CAMTA1: variants seen among roughly 807,000 people sequenced by gnomAD.
The protein encoded by CAMTA1 is calmodulin binding transcription activator 1, also known as calmodulin-binding transcription activator 1.
CAMTA1 carries 27 observed loss-of-function variants against 170.9 expected under a neutral mutation model. The ratio of observed to expected loss-of-function variants is 0.16; its 90% CI spans 0.12 to 0.22. CAMTA1 has a LOEUF of 0.22. CAMTA1 is among the 10% of genes least tolerant of loss of function. The pLI, the probability that CAMTA1 is intolerant of heterozygous loss-of-function variation, is 1.00. For missense variants in CAMTA1, 1,619 were observed against 2,217.2 expected, an observed-to-expected ratio of 0.73 and a Z score of 5.42; for synonymous variants, 833 against 891.5, an observed-to-expected ratio of 0.93 and a Z score of 1.17.
intron 5 of CAMTA1, among the ~76,000 whole-genome samples, chr1:7,288,159 G>A (rs1417479180): frequency 6.6e-6 from 1 of 152,142 alleles, no homozygotes; most frequent in South Asian, 2.1e-4. Context: ...CAGTGGAGCC[G>A]GGATTCAGGA....
intron 4 of CAMTA1, among the ~76,000 whole-genome samples, chr1:7,114,202 C>T (rs1644225090): frequency 6.6e-6 from 1 of 152,128 alleles, no homozygotes; most frequent in Non-Finnish European, 1.5e-5. Flanking sequence ...GCCTCAGACA[C>T]CCAGACCCAG....
intron 3 of CAMTA1, among the ~76,000 whole-genome samples, chr1:7,048,270 T>C (rs1705730047): frequency 6.6e-6 from 1 of 151,796 alleles, no homozygotes; most frequent in African/African-American, 2.4e-5. Flanking sequence ...CAAGGAGAAA[T>C]TGTAGAGCGT....
chr1:7,398,423 TTGCATGGAATATCATTTTCCATC>T (rs1557652500), intron 5 of CAMTA1, among the ~76,000 whole-genome samples: 3 of 151,654 alleles, frequency 2.0e-5, no homozygotes, highest in South Asian at 2.1e-4. Flanking sequence ...TATTTTCCAT[TTGCATGGAATATCATTTTCCATC>T]TGCATGGAAT....
At position 7,497,433 on chromosome 1, in the gene CAMTA1, C is replaced by A. The variant is rs77847597; in HGVS notation, c.510+29532C>A. 8.5e-3 allele frequency among the ~76,000 whole-genome samples: 1,292 copies of A among 152,334 alleles called. 19 individuals are homozygous for A. Among genetic ancestry groups the A allele is most frequent in the African/African-American group, 0.029 (1,213 of 41,584 alleles). On this transcript the variant is annotated intron_variant, in intron 6 of 22. Transcript: ENST00000303635. ...CCCTGGCTCTGCTCCTCACTCTGGG[C>A]AACCTTGGACAAGGCACGGCCCATC...
chr1:7,208,106 G>A (rs151285651), intron 4 of CAMTA1, among the ~76,000 whole-genome samples: 7 of 152,378 alleles, frequency 4.6e-5, no homozygotes, highest in Non-Finnish European at 1.0e-4. Flanking sequence ...CAACTGGGGA[G>A]CATTGCAGGT....
chr1:6,889,384 A>G (rs1674027752), intron 3 of CAMTA1, among the ~76,000 whole-genome samples: 1 of 152,274 alleles, frequency 6.6e-6, no homozygotes, highest in African/African-American at 2.4e-5. Context: ...TCATAAGCAG[A>G]GGATACAGAT....
At chr1:7,039,240 C>T (rs542778319) in intron 3 of CAMTA1, among the ~76,000 whole-genome samples, 1 of 152,182 alleles carries the variant, frequency 6.6e-6, no homozygotes, top group East Asian at 1.9e-4. Context: ...GCCACCTTCC[C>T]ACTTTTCTTC....
intron 3 of CAMTA1, among the ~76,000 whole-genome samples, chr1:7,076,428 T>C (rs1266213313): frequency 6.6e-6 from 1 of 152,222 alleles, no homozygotes; most frequent in South Asian, 2.1e-4. Flanking sequence ...TGACACAATA[T>C]GAGCTTTTGC....
In CAMTA1 at chr1:6,975,924, G is replaced by A. The variant is rs145699189; in HGVS notation, c.235-115380G>A. ...GTGCAGTATGTGGCCTTTGGTAACC[G>A]CCTTCTTTCACTCAGTGTCATGATC... On this transcript the variant is annotated intron_variant, in intron 3 of 22. Transcript: ENST00000303635. Among the ~76,000 whole-genome samples the A allele has an allele frequency of 5.9e-5, 9 of 152,200 alleles. No individual in the cohort carries two copies. The East Asian group carries it at 1.2e-3, about 20-fold the overall frequency.
In CAMTA1 at chr1:7,278,668, G is replaced by A. The variant is rs6696915; in HGVS notation, c.438+29042G>A. Among the ~76,000 whole-genome samples, 513 of 152,214 alleles carry A rather than the reference G, an allele frequency of 3.4e-3. 2 individuals carry two copies. Among genetic ancestry groups the A allele is most frequent in the African/African-American group, 0.012 (492 of 41,522 alleles). ...CTGAGTTTTTGACTTGAACTTGTCA[G>A]TCTTCGTTTTCTAATCATCCTGATT... is the stretch of plus-strand genomic sequence containing the variant. On this transcript the variant is annotated intron_variant, in intron 5 of 22. Coordinates refer to ENST00000303635, the MANE Select transcript of CAMTA1 (RefSeq NM_015215.4).
At chr1:6,899,554 G>T (rs2202906) in intron 3 of CAMTA1, among the ~76,000 whole-genome samples, 1 of 141,086 alleles carries the variant, frequency 7.1e-6, no homozygotes, top group Non-Finnish European at 1.6e-5. Flanking sequence ...ACGCGCGCGC[G>T]CACACACACA....
At chr1:7,058,139 T>C (rs1399883091) in intron 3 of CAMTA1, among the ~76,000 whole-genome samples, 1 of 152,098 alleles carries the variant, frequency 6.6e-6, no homozygotes, top group Non-Finnish European at 1.5e-5. Context: ...ATTGGGGCTG[T>C]GGGCTGCTCA....
At chr1:7,375,220 G>T (rs983162422) in intron 5 of CAMTA1, among the ~76,000 whole-genome samples, 26 of 152,146 alleles carry the variant, frequency 1.7e-4, no homozygotes, top group Non-Finnish European at 2.8e-4. Context: ...TGGGGCATTA[G>T]GAGTTGAGAT....
At chr1:6,826,865 A>C (rs1246910459) in intron 3 of CAMTA1, among the ~76,000 whole-genome samples, 1 of 152,232 alleles carries the variant, frequency 6.6e-6, no homozygotes, top group Admixed American at 6.5e-5. Context: ...TAGTTGGTAG[A>C]TTATTTCCAT....
At chr1:7,398,193 C>CTCTCTCTCTCTATATATATATA (rs1557651862) in intron 5 of CAMTA1, among the ~76,000 whole-genome samples, 1 of 16,900 alleles carries the variant, frequency 5.9e-5, no homozygotes, top group Non-Finnish European at 1.1e-4. Flanking sequence ...CTCTCTCTCT[C>CTCTCTCTCTCTATATATATATA]TATATATATA....
At chr1:7,240,875 T>G (rs1219589704) in intron 4 of CAMTA1, among the ~76,000 whole-genome samples, 1 of 152,188 alleles carries the variant, frequency 6.6e-6, no homozygotes, top group African/African-American at 2.4e-5. Context: ...AAAGACTGTA[T>G]GCTTCCCCCT....
At chr1:7,057,519 G>GAGA (rs1707539594) in intron 3 of CAMTA1, among the ~76,000 whole-genome samples, 2 of 152,164 alleles carry the variant, frequency 1.3e-5, no homozygotes, top group South Asian at 4.1e-4. Context: ...ATTTTTCCCA[G>GAGA]AGAAAAGGCC....
At chr1:7,264,914 T>C (rs963804617) in intron 5 of CAMTA1, among the ~76,000 whole-genome samples, 2 of 152,208 alleles carry the variant, frequency 1.3e-5, no homozygotes, top group Non-Finnish European at 2.9e-5. Context: ...GTTTGACTTT[T>C]GTTTATAAAA....
chr1:7,387,975 A>T (rs1020313675), intron 5 of CAMTA1, among the ~76,000 whole-genome samples: 5 of 152,096 alleles, frequency 3.3e-5, no homozygotes, highest in Admixed American at 2.0e-4. Context: ...ATCAACATCC[A>T]GCTCTCCCAG....
Sources: gnomAD v4.1 joint callset for allele counts (sites outside exome capture counted in the v4.1 genomes callset) on GRCh38, gnomAD v4.1.1 for gene constraint, MANE v1.5 for transcripts, NCBI Gene and HGNC (gene_info 2026-07-23, HGNC 2026-07-21) for gene names.